The following PPP4R1 variants were observed in gnomAD, a reference collection of about 807,000 sequenced individuals.
The protein encoded by PPP4R1 is protein phosphatase 4 regulatory subunit 1.
PPP4R1 carries 42 observed loss-of-function variants against 111.2 expected under a neutral mutation model. The ratio of observed to expected loss-of-function variants is 0.38; its 90% CI spans 0.29 to 0.49. The LOEUF (loss-of-function observed/expected upper bound fraction) is 0.49, where lower values mean the gene tolerates loss of function less well. Among genes scored for constraint, PPP4R1 ranks in the 20% least tolerant of loss-of-function variants. The pLI is 0.97. For synonymous variants in PPP4R1, 409 were observed against 405.5 expected (o/e 1.01, Z -0.10); for missense variants, 1,012 against 1,161.6 (o/e 0.87, Z 1.87).
At chr18:9,566,216 T>C (rs2066762789) in intron 11 of PPP4R1, among the ~76,000 whole-genome samples, 1 of 151,650 alleles carries the variant, frequency 6.6e-6, no homozygotes, top group Non-Finnish European at 1.5e-5. Flanking sequence ...CGGCCCAGAT[T>C]TTCAACACAG....
chr18:9,616,252 C>CTTT (rs35547777), upstream of PPP4R1, among the ~76,000 whole-genome samples: 9,104 of 146,644 alleles, frequency 0.062, 352 homozygotes, highest in Non-Finnish European at 0.095. Flanking sequence ...CAAATCAGCT[C>CTTT]TTTTTTTTTT....
Position 9,595,922 on chromosome 18 carries a change from G to T in PPP4R1, c.53-769C>A, listed in dbSNP as rs554478680. Reference sequence around the variant, plus strand: ...AAAGGAGTCAAGGAAGAACTGAAAGGTGCCCACTGAATTTGGTACTTTTGT... The same window carrying T: ...AAAGGAGTCAAGGAAGAACTGAAAGTTGCCCACTGAATTTGGTACTTTTGT... On this transcript the variant is annotated intron_variant, in intron 2 of 19. Transcript: ENST00000400556. Among the ~76,000 whole-genome samples, 7 of 152,280 alleles carry T rather than the reference G, an allele frequency of 4.6e-5. No individual in the cohort carries two copies. The East Asian group carries it at 1.4e-3, about 29-fold the overall frequency.
intron 10 of PPP4R1, among the ~76,000 whole-genome samples, chr18:9,575,817 C>CTAT (rs377457920): frequency 1.4e-3 from 206 of 152,280 alleles, no homozygotes; most frequent in African/African-American, 4.8e-3. Context: ...TTTACCAGCT[C>CTAT]GTCCTATACA....
chr18:9,580,920 G>C (rs1315859437), intron 9 of PPP4R1, among the ~76,000 whole-genome samples: 4 of 152,182 alleles, frequency 2.6e-5, no homozygotes, highest in African/African-American at 2.4e-5. Flanking sequence ...CCAGGAGAAA[G>C]AAGCCAAGGG....
In PPP4R1 at chr18:9,577,081, T is replaced by G. The variant is rs894561682; in HGVS notation, c.1029A>C (p.Ser343=). 6.4e-7 allele frequency: 1 copy of G among 1,569,452 alleles called. No individual in the cohort carries two copies. The highest frequency in any genetic ancestry group is 8.6e-7 in the Non-Finnish European group (1 of 1,158,374). Residue 343 remains serine, a synonymous_variant, in exon 10 of 20, where the codon TCA becomes TCC. Transcript: ENST00000400556. The part of the protein sequence containing the change: ...KEESKSSEEM[S]VENKNRTRDQ... ...AATTATACCTATTTTTGTTTTCTAC[T>G]GACATCTCTTCTGAACTTTTGCTTT...
intron 6 of PPP4R1, among the ~76,000 whole-genome samples, chr18:9,585,885 T>C (rs867114716): frequency 3.0e-4 from 45 of 152,180 alleles, no homozygotes; most frequent in Middle Eastern, 6.8e-3. Context: ...CCTAAATAAA[T>C]AGATCTACCA....
intron 6 of PPP4R1, among the ~76,000 whole-genome samples, chr18:9,585,689 T>C (rs770005931): frequency 2.6e-5 from 4 of 152,106 alleles, no homozygotes; most frequent in African/African-American, 4.8e-5. Context: ...TTTAGGAAGG[T>C]TGTAGGCTAT....
At chr18:9,548,369 C>T (rs139852196) in intron 19 of PPP4R1, among the ~76,000 whole-genome samples, 124 of 151,902 alleles carry the variant, frequency 8.2e-4, no homozygotes, top group African/African-American at 2.8e-3. Context: ...TTCATTCATC[C>T]GTGCAACTAT....
intron 12 of PPP4R1, among the ~76,000 whole-genome samples, chr18:9,562,559 A>C (rs971573916): frequency 3.9e-5 from 6 of 152,228 alleles, no homozygotes; most frequent in African/African-American, 1.4e-4. Context: ...ATACTATTCA[A>C]ATCTCCAATA....
chr18:9,612,228 A>G (rs1227665670), intron 2 of PPP4R1, among the ~76,000 whole-genome samples: 1 of 152,218 alleles, frequency 6.6e-6, no homozygotes, highest in Non-Finnish European at 1.5e-5. Flanking sequence ...GAACAACTCT[A>G]TGAAGTAGGT....
chr18:9,567,737 C>CA (rs1445741132), intron 11 of PPP4R1, among the ~76,000 whole-genome samples: 12 of 151,884 alleles, frequency 7.9e-5, no homozygotes, highest in African/African-American at 2.7e-4. Flanking sequence ...CAACAAACAC[C>CA]ATTGCTAGCT....
chr18:9,591,212 G>A (rs1306943006), intron 4 of PPP4R1, among the ~76,000 whole-genome samples: 1 of 151,940 alleles, frequency 6.6e-6, no homozygotes, highest in Non-Finnish European at 1.5e-5. Flanking sequence ...GGCAGGCATG[G>A]TGGTGCATGC....
Position 9,583,135 on chromosome 18 carries a change from G to C in PPP4R1, c.900C>G (p.Ile300Met). The C allele has an allele frequency of 1.2e-6, 2 of 1,610,552 alleles. No homozygotes were observed. The highest frequency in any genetic ancestry group is 1.7e-6 in the Non-Finnish European group (2 of 1,177,608). The change falls in exon 9 of 20, where the codon ATC becomes ATG. Residue 300 changes from isoleucine (I) to methionine (M), a missense_variant. This residue lies in a region of PPP4R1 where 707 missense variants were observed against 742.1 expected (regional missense o/e 0.95). Transcript: ENST00000400556. ...TKLSALFINL[I>M]SDPSRWVRQA... is the part of the protein sequence containing the mutation. ...ACCCTACCCAACGTGAAGGATCACT[G>C]ATCAAATTAATAAAAAGTGCTGATA...
intron 12 of PPP4R1, among the ~76,000 whole-genome samples, chr18:9,562,652 GA>G (rs1294091293): frequency 6.6e-6 from 1 of 152,132 alleles, no homozygotes; most frequent in African/African-American, 2.4e-5. Flanking sequence ...AATCAAAACA[GA>G]AATGCACTAA....
intron 5 of PPP4R1, 122 bp downstream of exon 5, chr18:9,588,589 T>C: frequency 9.2e-7 from 1 of 1,088,922 alleles, no homozygotes; most frequent in Non-Finnish European, 1.3e-6. Flanking sequence ...ACATCTTGTC[T>C]AAGATAAATA....
chr18:9,579,767 A>T (rs1217680093), intron 9 of PPP4R1, among the ~76,000 whole-genome samples: 1 of 152,186 alleles, frequency 6.6e-6, no homozygotes, highest in Non-Finnish European at 1.5e-5. Context: ...GCTGTATTAG[A>T]TGTAAGTAAT....
intron 2 of PPP4R1, among the ~76,000 whole-genome samples, chr18:9,611,695 T>C (rs2067582067): frequency 6.6e-6 from 1 of 152,362 alleles, no homozygotes; most frequent in South Asian, 2.1e-4. Flanking sequence ...TAAATTAAAA[T>C]GCACAGGAAA....
Position 9,614,393 on chromosome 18 carries a change from C to G in PPP4R1, c.7+85G>C. On this transcript the variant is annotated intron_variant, in intron 1 of 19. Coordinates refer to ENST00000400556, the MANE Select transcript of PPP4R1 (RefSeq NM_001042388.3). The surrounding 1 kb of genome is among the most constrained non-coding windows in gnomAD (Gnocchi z 4.1). The stretch of plus-strand genomic sequence containing the variant: ...CCCGCGCCGGGACCCCACGCCGGCC[C>G]CGGCCCGGCAGCCACTCAGGGCTGC... 4 of 1,019,636 alleles carry G rather than the reference C, an allele frequency of 3.9e-6. No homozygotes were observed. The highest frequency in any genetic ancestry group is 4.7e-6 in the Non-Finnish European group (4 of 851,100). The allele number at this position is 1,019,636 out of a possible 1,614,324, so 63.2% of individuals were successfully genotyped here. A position where few individuals can be genotyped will look rare whatever the true frequency, so the allele number is the denominator to read the frequency against.
At chr18:9,602,773 A>C (rs2067411458) in intron 2 of PPP4R1, among the ~76,000 whole-genome samples, 1 of 149,826 alleles carries the variant, frequency 6.7e-6, no homozygotes, top group Non-Finnish European at 1.5e-5. Context: ...GCGAGCTGAA[A>C]TCGCGCCACT....
Sources: gnomAD v4.1 joint callset for allele counts (sites outside exome capture counted in the v4.1 genomes callset) on GRCh38, gnomAD v4.1.1 for gene constraint, gnomAD v4.1.1 regional missense constraint, Gnocchi (gnomAD v3.1) non-coding constraint, MANE v1.5 for transcripts, NCBI Gene and HGNC (gene_info 2026-07-23, HGNC 2026-07-21) for gene names.